Variants in RSPO3 observed in about 807,000 individuals in gnomAD.
The protein encoded by RSPO3 is R-spondin-3.
A neutral mutation model predicts 36.5 loss-of-function variants in RSPO3; 17 were observed. The ratio of observed to expected loss-of-function variants is 0.47; its 90% CI spans 0.32 to 0.70. The LOEUF (loss-of-function observed/expected upper bound fraction) is 0.70. Ranked by LOEUF, RSPO3 falls within the 30% of genes least tolerant of loss-of-function variation. The probability of loss-of-function intolerance (pLI) is 0.04; values close to 1 mark genes in which losing one functional copy is unlikely to be tolerated. For missense variants in RSPO3, 294 were observed against 322.5 expected (o/e 0.91, Z 0.68); for synonymous variants, 108 against 107.0 (o/e 1.01, Z -0.06).
intron 4 of RSPO3, chr6:127,192,811 T>C (rs1775439643): frequency 7.7e-6 from 4 of 522,518 alleles, no homozygotes; most frequent in Non-Finnish European, 9.8e-6. Context: ...TGTCAGATTG[T>C]CATAACTGGA....
intron 4 of RSPO3, among the ~76,000 whole-genome samples, chr6:127,177,690 GA>G (rs1215194475): frequency 1.3e-5 from 2 of 151,808 alleles, no homozygotes; most frequent in Non-Finnish European, 2.9e-5. Flanking sequence ...TAGGTAAATT[GA>G]AAATATTTGT....
At chr6:127,165,995 G>T (rs1479505933) in intron 4 of RSPO3, among the ~76,000 whole-genome samples, 1 of 151,912 alleles carries the variant, frequency 6.6e-6, no homozygotes, top group African/African-American at 2.4e-5. Flanking sequence ...AAAGCAATGT[G>T]AAAGTGGGTT....
chr6:127,149,966 C>A (rs1207953826), intron 2 of RSPO3, among the ~76,000 whole-genome samples: 1 of 151,916 alleles, frequency 6.6e-6, no homozygotes, highest in Non-Finnish European at 1.5e-5. Context: ...TGACTCTTAC[C>A]CCTCTTGTGC....
chr6:127,150,484 T>A lies in RSPO3; in HGVS notation c.348T>A (p.Ser116Arg), dbSNP rs758630986. Residue 116 changes from serine (S) to arginine (R), a missense_variant, in exon 3 of 5, where the codon AGT becomes AGA. This residue lies in a region of RSPO3 where 190 missense variants were observed against 185.2 expected (regional missense o/e 1.03). Transcript: ENST00000356698. ...AAAATTTCTGCACAAAATGTAAAAG[T>A]GGATTTTACTTACACCTTGGAAAGT... ...FNKNFCTKCK[S>R]GFYLHLGKCL... 4 of 1,612,334 alleles carry A rather than the reference T, an allele frequency of 2.5e-6. No individual in the cohort carries two copies. The African/African-American group carries it at 4.0e-5, about 16-fold the overall frequency.
At chr6:127,119,402 C>T in intron 1 of RSPO3, 113 bp downstream of exon 1, 1 of 765,098 alleles carries the variant, frequency 1.3e-6, no homozygotes, top group South Asian at 1.7e-5. Flanking sequence ...CCCTGCGCCT[C>T]GCAGAGGAGA....
At chr6:127,155,181 C>T in intron 3 of RSPO3, 60 bp from the exon 4 acceptor site, 1 of 1,532,684 alleles carries the variant, frequency 6.5e-7, no homozygotes. Context: ...CTTTTTTTAA[C>T]TCAACAATAG....
rs902667144 is a variant in RSPO3, at chr6:127,192,594, C to T, written c.635-3229C>T. 1.3e-5 allele frequency: 12 copies of T among 900,476 alleles called. No homozygotes were observed. In the African/African-American group the frequency reaches 2.0e-4, roughly 15 times the overall value. The allele number at this position is 900,476 out of a possible 1,614,324, so 55.8% of individuals were successfully genotyped here. ...CTGCAAGGGCTCAGATTGTACTTGA[C>T]TGCTAATAGCAAATTCTCTTTGATG... On this transcript the variant is annotated intron_variant, in intron 4 of 4. Transcript: ENST00000356698.
intron 1 of RSPO3, among the ~76,000 whole-genome samples, chr6:127,143,459 T>C (rs1042354437): frequency 1.3e-4 from 20 of 152,218 alleles, no homozygotes; most frequent in Non-Finnish European, 2.8e-4. Context: ...TGCAGACAAG[T>C]ATGCTTTGGA....
At chr6:127,182,541 C>T (rs976095383) in intron 4 of RSPO3, among the ~76,000 whole-genome samples, 1 of 151,862 alleles carries the variant, frequency 6.6e-6, no homozygotes, top group African/African-American at 2.4e-5. Flanking sequence ...TTGAGTAAGA[C>T]AGTGTTCATT....
chr6:127,150,479 A>G lies in RSPO3; in HGVS notation c.343A>G (p.Lys115Glu), dbSNP rs757283729. ...CFNKNFCTKC[K>E]SGFYLHLGKC... Reference sequence around the variant, plus strand: ...CAACAAAAATTTCTGCACAAAATGTAAAAGTGGATTTTACTTACACCTTGG... The same window carrying G: ...CAACAAAAATTTCTGCACAAAATGTGAAAGTGGATTTTACTTACACCTTGG... The change falls in exon 3 of 5, where the codon AAA becomes GAA. Residue 115 changes from lysine to glutamate, a missense_variant. Transcript: ENST00000356698. 3.1e-6 allele frequency: 5 copies of G among 1,612,572 alleles called. No homozygotes were observed. Among genetic ancestry groups the G allele is most frequent in the Non-Finnish European group, 4.2e-6 (5 of 1,179,234 alleles).
chr6:127,173,544 T>TA (rs1022867004), intron 4 of RSPO3, among the ~76,000 whole-genome samples: 32 of 151,800 alleles, frequency 2.1e-4, no homozygotes, highest in Middle Eastern at 3.4e-3. Flanking sequence ...TAAAATTTAC[T>TA]AAAAAAAATG....
chr6:127,177,316 C>T (rs1775075702), intron 4 of RSPO3, among the ~76,000 whole-genome samples: 1 of 151,826 alleles, frequency 6.6e-6, no homozygotes, highest in Non-Finnish European at 1.5e-5. Flanking sequence ...CAACACTCAC[C>T]AATGTCTATT....
chr6:127,121,545 T>C (rs1773845770), intron 1 of RSPO3, among the ~76,000 whole-genome samples: 1 of 152,148 alleles, frequency 6.6e-6, no homozygotes, highest in Non-Finnish European at 1.5e-5. Flanking sequence ...GTTTGCGGCT[T>C]GGTTTGCTGG....
At chr6:127,128,652 T>C (rs1047341927) in intron 1 of RSPO3, among the ~76,000 whole-genome samples, 12 of 152,080 alleles carry the variant, frequency 7.9e-5, no homozygotes, top group African/African-American at 2.7e-4. Context: ...TAGTGTAAAA[T>C]ATAAAGTATT....
chr6:127,148,844 G>T lies in RSPO3; in HGVS notation c.289+5G>T. ...CAGATATAAATAAGTGTACAAGTAAGTGCCCACACGAAATTGTATTTTTAT... is the reference window on the plus strand; with the variant it reads ...CAGATATAAATAAGTGTACAAGTAATTGCCCACACGAAATTGTATTTTTAT... On this transcript the variant is annotated splice_donor_5th_base_variant and intron_variant, in intron 2 of 4. Transcript: ENST00000356698. 2 of 1,597,912 alleles carry T rather than the reference G, an allele frequency of 1.3e-6. No homozygotes were observed. Among genetic ancestry groups the T allele is most frequent in the Non-Finnish European group, 8.5e-7 (1 of 1,169,888 alleles).
At chr6:127,190,543 CTG>C (rs1775388856) in intron 4 of RSPO3, among the ~76,000 whole-genome samples, 1 of 152,116 alleles carries the variant, frequency 6.6e-6, no homozygotes, top group African/African-American at 2.4e-5. Context: ...CTTTTTCACA[CTG>C]TGAGTGCTTT....
intron 4 of RSPO3, among the ~76,000 whole-genome samples, chr6:127,183,902 C>T (rs552436597): frequency 6.6e-6 from 1 of 152,020 alleles, no homozygotes; most frequent in African/African-American, 2.4e-5. Context: ...AATTGACTCA[C>T]AGTTCAGCAT....
chr6:127,129,390 T>C (rs2114545334), intron 1 of RSPO3, among the ~76,000 whole-genome samples: 1 of 152,222 alleles, frequency 6.6e-6, no homozygotes, highest in African/African-American at 2.4e-5. Context: ...CTGGGCTTCC[T>C]GACAGACTTA....
At position 127,155,230 on chromosome 6, in the gene RSPO3, T is replaced by C; in HGVS notation, c.437-11T>C. ...AAGCCAGCTGAGTCTGTTTCTTCTG[T>C]TCTGTTTCAGTGCACTGTGAGGTCA... On this transcript the variant is annotated splice_polypyrimidine_tract_variant and intron_variant, in intron 3 of 4. Coordinates refer to ENST00000356698, the MANE Select transcript of RSPO3 (RefSeq NM_032784.5). 1.2e-6 allele frequency: 2 copies of C among 1,613,472 alleles called. No homozygotes were observed. Among genetic ancestry groups the C allele is most frequent in the Admixed American group, 3.3e-5 (2 of 59,996 alleles).
Sources: allele counts gnomAD v4.1 joint callset (sites outside exome capture counted in the v4.1 genomes callset), GRCh38; gene constraint gnomAD v4.1.1; regional missense constraint gnomAD v4.1.1; transcripts MANE v1.5; gene names NCBI Gene and HGNC (gene_info 2026-07-23, HGNC 2026-07-21).